PIBF1: variants seen among roughly 807,000 people sequenced by gnomAD.
PIBF1 encodes the protein progesterone-induced-blocking factor 1.
In PIBF1, 90 loss-of-function variants were observed where a neutral mutation model predicts 112.5. That is an observed-to-expected ratio of 0.80 (90% CI 0.67 to 0.95). The LOEUF is 0.95. Among genes scored for constraint, PIBF1 ranks in the 40% least tolerant of loss-of-function variants. PIBF1 has a pLI of 0.00. For synonymous variants in PIBF1, 301 were observed against 288.6 expected (o/e 1.04, Z -0.44); for missense variants, 915 against 852.3 (o/e 1.07, Z -0.92).
intron 17 of PIBF1, 46 bp from the exon 18 acceptor site, chr13:73,015,823 T>C: frequency 8.2e-7 from 1 of 1,226,952 alleles, no homozygotes; most frequent in Non-Finnish European, 1.2e-6. Flanking sequence ...TCTCTTGTCC[T>C]CCTTGTAAGC....
intron 11 of PIBF1, among the ~76,000 whole-genome samples, chr13:72,899,645 A>G (rs907360194): frequency 1.3e-5 from 2 of 152,330 alleles, no homozygotes. Context: ...TACAGCCAAC[A>G]TAATACTGAA....
intron 6 of PIBF1, among the ~76,000 whole-genome samples, chr13:72,825,756 T>C (rs946157081): frequency 2.6e-5 from 4 of 152,156 alleles, no homozygotes; most frequent in African/African-American, 9.7e-5. Context: ...TGTTAATGAT[T>C]GGTAAGTAAA....
intron 10 of PIBF1, among the ~76,000 whole-genome samples, chr13:72,854,527 CTT>C (rs920219947): frequency 6.6e-5 from 10 of 152,278 alleles, no homozygotes; most frequent in Admixed American, 2.0e-4. Context: ...TAAAAATACT[CTT>C]GTGTCCAGGT....
Position 72,908,625 on chromosome 13 carries a change from A to G in PIBF1, c.1583A>G (p.Asp528Gly), listed in dbSNP as rs755638228. ...AACTCAGAGCATCAAGCAAGGCTAG[A>G]CATTTATGAGAAACTGGAAAAAGAG... Reference protein sequence around the residue: ...AQNSEHQARLDIYEKLEKELD... With the variant: ...AQNSEHQARLGIYEKLEKELD... The change falls in exon 12 of 18, where the codon GAC becomes GGC. Residue 528 changes from aspartate to glycine, a missense_variant. Coordinates refer to ENST00000326291, the MANE Select transcript of PIBF1 (RefSeq NM_006346.4). 2 of 1,613,410 alleles carry G rather than the reference A, an allele frequency of 1.2e-6. No homozygotes were observed. Among genetic ancestry groups the G allele is most frequent in the South Asian group, 1.1e-5 (1 of 91,036 alleles).
intron 10 of PIBF1, among the ~76,000 whole-genome samples, chr13:72,868,829 A>T (rs1393996516): frequency 3.1e-3 from 34 of 11,114 alleles, no homozygotes; most frequent in African/African-American, 0.011. Context: ...CCCAAAAAGT[A>T]AAAAAAAAAA....
At chr13:72,995,733 C>T (rs1342798908) in intron 16 of PIBF1, among the ~76,000 whole-genome samples, 4 of 151,896 alleles carry the variant, frequency 2.6e-5, no homozygotes, top group African/African-American at 7.3e-5. Flanking sequence ...GAGTGGATCA[C>T]GAGGTCAGGA....
At position 72,811,096 on chromosome 13, in the gene PIBF1, G is replaced by A. The variant is rs1179900855; in HGVS notation, c.673-10753G>A. On this transcript the variant is annotated intron_variant, in intron 5 of 17. Transcript: ENST00000326291. ...AGGATGGTCTTGATCTCCTGACCTC[G>A]TGATCTGCCCACCTTGGCTTCCCAA... Among the ~76,000 whole-genome samples, 6 of 152,114 alleles carry A rather than the reference G, an allele frequency of 3.9e-5. No homozygotes were observed. The East Asian group carries it at 7.7e-4, about 20-fold the overall frequency.
At chr13:72,836,198 G>A (rs2037354730) in intron 9 of PIBF1, 2 of 408,952 alleles carry the variant, frequency 4.9e-6, no homozygotes, top group South Asian at 3.6e-5. Context: ...CAGAATTCAG[G>A]GAAAATAAAT....
intron 5 of PIBF1, among the ~76,000 whole-genome samples, chr13:72,804,170 A>G (rs2035614984): frequency 6.6e-6 from 1 of 152,188 alleles, no homozygotes; most frequent in Non-Finnish European, 1.5e-5. Flanking sequence ...TCTTGACCCA[A>G]AAGAGTAAAT....
At chr13:72,830,686 T>A (rs1171696851) in intron 8 of PIBF1, among the ~76,000 whole-genome samples, 3 of 152,194 alleles carry the variant, frequency 2.0e-5, no homozygotes, top group African/African-American at 7.2e-5. Context: ...CAGTATTTTA[T>A]TGAGGATTTT....
intron 10 of PIBF1, among the ~76,000 whole-genome samples, chr13:72,869,119 T>C (rs2039048559): frequency 6.6e-6 from 1 of 152,164 alleles, no homozygotes; most frequent in Admixed American, 6.5e-5. Flanking sequence ...TTACTGGGTA[T>C]ATACCCAAAG....
At chr13:72,890,692 A>G (rs1264854664) in intron 10 of PIBF1, among the ~76,000 whole-genome samples, 1 of 152,148 alleles carries the variant, frequency 6.6e-6, no homozygotes, top group African/African-American at 2.4e-5. Flanking sequence ...TACCTCAAAT[A>G]AGATGTTCAG....
At chr13:72,958,494 C>T (rs900452354) in intron 14 of PIBF1, among the ~76,000 whole-genome samples, 1 of 152,034 alleles carries the variant, frequency 6.6e-6, no homozygotes, top group Non-Finnish European at 1.5e-5. Context: ...AGACCAAAAG[C>T]GGAGCTGATA....
chr13:73,008,278 A>T (rs576686361), intron 17 of PIBF1, among the ~76,000 whole-genome samples: 39 of 152,316 alleles, frequency 2.6e-4, no homozygotes, highest in African/African-American at 8.2e-4. Flanking sequence ...CTTACTGGTT[A>T]TTTACCATTT....
intron 17 of PIBF1, among the ~76,000 whole-genome samples, chr13:73,009,074 G>A (rs948268737): frequency 2.0e-5 from 3 of 151,864 alleles, no homozygotes; most frequent in Non-Finnish European, 2.9e-5. Context: ...TCCTTAGAGT[G>A]TGGCATCTGT....
intron 14 of PIBF1, among the ~76,000 whole-genome samples, chr13:72,944,579 A>G (rs2042099114): frequency 6.6e-6 from 1 of 152,220 alleles, no homozygotes; most frequent in South Asian, 2.1e-4. Flanking sequence ...TTAATTGCAT[A>G]CAAACTAAGC....
At chr13:72,937,731 C>T (rs182791272) in intron 14 of PIBF1, among the ~76,000 whole-genome samples, 11 of 152,242 alleles carry the variant, frequency 7.2e-5, no homozygotes, top group African/African-American at 2.6e-4. Flanking sequence ...AGGAGAATAG[C>T]TTGAACCTAG....
At chr13:72,881,196 G>A (rs1017678811) in intron 10 of PIBF1, 5 of 149,414 alleles carry the variant, frequency 3.3e-5, no homozygotes, top group African/African-American at 1.2e-4. Flanking sequence ...TTGAATATAT[G>A]TGCTGCTGAA....
At chr13:72,995,700 C>A (rs2043630996) in intron 16 of PIBF1, among the ~76,000 whole-genome samples, 1 of 152,038 alleles carries the variant, frequency 6.6e-6, no homozygotes, top group Non-Finnish European at 1.5e-5. Flanking sequence ...GCCTGTAATC[C>A]CAGCACTTTG....
Sources: gnomAD v4.1 joint callset for allele counts (sites outside exome capture counted in the v4.1 genomes callset) on GRCh38, gnomAD v4.1.1 for gene constraint, MANE v1.5 for transcripts, NCBI Gene and HGNC (gene_info 2026-07-23, HGNC 2026-07-21) for gene names.